PCGF3: variants seen among roughly 807,000 people sequenced by gnomAD.
PCGF3 encodes the protein polycomb group RING finger protein 3.
PCGF3 carries 7 observed loss-of-function variants against 33.1 expected under a neutral mutation model. The observed-to-expected ratio is 0.21, with a 90% CI of 0.12 to 0.40. The LOEUF (loss-of-function observed/expected upper bound fraction) is 0.40, where lower values mean the gene tolerates loss of function less well. PCGF3 is among the 10% of genes least tolerant of loss of function. The probability of loss-of-function intolerance (pLI) is 1.00; values close to 1 mark genes in which losing one functional copy is unlikely to be tolerated. For missense variants in PCGF3, 211 were observed against 313.3 expected (o/e 0.67, Z 2.46); for synonymous variants, 153 against 121.3 (o/e 1.26, Z -1.72).
In PCGF3 at chr4:737,574, G is replaced by A. The variant is rs556537264; in HGVS notation, c.262+53G>A. 8.1e-5 allele frequency: 92 copies of A among 1,131,974 alleles called. No individual in the cohort carries two copies. The Middle Eastern group carries it at 9.9e-4, about 12-fold the overall frequency. 70.1% of individuals were successfully genotyped at this position (1,131,974 alleles called of 1,614,324 possible). A position where few individuals can be genotyped will look rare whatever the true frequency, so the allele number is the denominator to read the frequency against. ...CTGAGGTCCCAGCCTGGCCTCTGCA[G>A]CCCCTGCTCTCCTGGAAGTTTGGTT... On this transcript the variant is annotated intron_variant, in intron 6 of 10. Transcript: ENST00000362003.
intron 8 of PCGF3, among the ~76,000 whole-genome samples, chr4:755,431 G>A (rs1463492557): frequency 6.6e-6 from 1 of 152,102 alleles, no homozygotes; most frequent in Non-Finnish European, 1.5e-5. Context: ...TTTTCCTTAT[G>A]TGAGCTGCAG....
chr4:730,592 C>G (rs1199345955), intron 1 of PCGF3, 38 bp from the exon 2 acceptor site: 1 of 158,094 alleles, frequency 6.3e-6, no homozygotes, highest in African/African-American at 2.4e-5. Flanking sequence ...CGTCCGCCTC[C>G]GGCCCACGGG....
chr4:715,388 C>T (rs868041789), intron 1 of PCGF3, among the ~76,000 whole-genome samples: 9 of 137,492 alleles, frequency 6.5e-5, no homozygotes, highest in South Asian at 2.4e-4. Flanking sequence ...AACCGGGCAT[C>T]GGTGCTGGGA....
chr4:706,172 G>T (rs537956046), intron 1 of PCGF3, among the ~76,000 whole-genome samples: 1 of 152,314 alleles, frequency 6.6e-6, no homozygotes, highest in East Asian at 1.9e-4. Flanking sequence ...GAAGACCCCA[G>T]CCCAGGCAGG....
chr4:735,273 G>A (rs1293559070), intron 5 of PCGF3, among the ~76,000 whole-genome samples: 1 of 152,212 alleles, frequency 6.6e-6, no homozygotes, highest in African/African-American at 2.4e-5. Context: ...TAGGCCGGGC[G>A]CAGGGGCTCA....
In PCGF3 at chr4:712,533, C is replaced by T. The variant is rs527286935; in HGVS notation, c.-190+6563C>T. On this transcript the variant is annotated intron_variant, in intron 1 of 10. Transcript: ENST00000362003. The stretch of plus-strand genomic sequence containing the variant: ...CGCGATCTCGGCTCACTGCAACCTC[C>T]GCCTCCTGGTTCAAGTGATTCTCCT... Among the ~76,000 whole-genome samples, 13 of 152,314 alleles carry T rather than the reference C, an allele frequency of 8.5e-5. No individual in the cohort carries two copies. The South Asian group carries it at 2.1e-3, about 24-fold the overall frequency.
chr4:758,165 CAAAAAAAAAA>C (rs61081270), intron 8 of PCGF3, among the ~76,000 whole-genome samples: 36 of 54,910 alleles, frequency 6.6e-4, no homozygotes, highest in Admixed American at 2.0e-3. Flanking sequence ...GACTCTGTCT[CAAAAAAAAAA>C]AAAAAAAAAA....
At chr4:750,651 G>C (rs762940764) in intron 8 of PCGF3, among the ~76,000 whole-genome samples, 8 of 152,068 alleles carry the variant, frequency 5.3e-5, no homozygotes, top group Non-Finnish European at 2.9e-5. Context: ...TTGAATGAAT[G>C]AGAAACAAGC....
chr4:719,687 A>ACGGTGCAGGG (rs1237738649), intron 1 of PCGF3, among the ~76,000 whole-genome samples: 1 of 152,180 alleles, frequency 6.6e-6, no homozygotes, highest in South Asian at 2.1e-4. Flanking sequence ...GAGGGGCAGG[A>ACGGTGCAGGG]CGGTGCAGGG....
intron 1 of PCGF3, among the ~76,000 whole-genome samples, chr4:712,952 G>C (rs1420844723): frequency 6.6e-6 from 1 of 152,246 alleles, no homozygotes; most frequent in Non-Finnish European, 1.5e-5. Flanking sequence ...CGTTGGCCTT[G>C]TGGGTCTTAT....
At chr4:762,077 A>C (rs934756424) in intron 9 of PCGF3, 4 of 985,252 alleles carry the variant, frequency 4.1e-6, no homozygotes, top group African/African-American at 3.5e-5. Context: ...AAGTGGACAG[A>C]CTTGAGATGC....
intron 1 of PCGF3, among the ~76,000 whole-genome samples, chr4:714,351 C>G (rs1172083419): frequency 6.6e-6 from 1 of 152,024 alleles, no homozygotes; most frequent in African/African-American, 2.4e-5. Flanking sequence ...TCCTCTCCTT[C>G]TCTCAGTACA....
At chr4:737,623 T>G (rs1298058601) in intron 6 of PCGF3, 102 bp downstream of exon 6, 1 of 744,480 alleles carries the variant, frequency 1.3e-6, no homozygotes, top group Non-Finnish European at 2.4e-6. Flanking sequence ...CCCCTTTCCT[T>G]TTGGCCGAAT....
intron 6 of PCGF3, among the ~76,000 whole-genome samples, chr4:738,836 G>A (rs961054207): frequency 7.3e-5 from 11 of 151,416 alleles, no homozygotes; most frequent in Admixed American, 4.0e-4. Context: ...TCCAGGCTGG[G>A]CGACAGAGCA....
intron 8 of PCGF3, among the ~76,000 whole-genome samples, chr4:755,891 C>T (rs1217302274): frequency 2.4e-5 from 3 of 126,186 alleles, no homozygotes; most frequent in African/African-American, 8.7e-5. Context: ...CATTTTTCTT[C>T]TTCAGAATTG....
chr4:743,659 G>C (rs541660870), intron 7 of PCGF3, 75 bp downstream of exon 7: 3 of 855,192 alleles, frequency 3.5e-6, no homozygotes, highest in African/African-American at 1.7e-5. Context: ...AGCTGGCGCT[G>C]TCTGCCGGCC....
chr4:730,240 C>A (rs190730596), intron 1 of PCGF3, among the ~76,000 whole-genome samples: 1 of 152,206 alleles, frequency 6.6e-6, no homozygotes, highest in African/African-American at 2.4e-5. Flanking sequence ...TGGAGCCAGC[C>A]GTCACTGCCT....
At chr4:733,913 C>T in intron 4 of PCGF3, 124 bp downstream of exon 4, 2 of 1,575,020 alleles carry the variant, frequency 1.3e-6, no homozygotes, top group Non-Finnish European at 1.7e-6. Context: ...GGAACCAGGA[C>T]CAGGGGCAGA....
chr4:734,899 G>T, intron 4 of PCGF3, 32 bp from the exon 5 acceptor site: 5 of 1,606,262 alleles, frequency 3.1e-6, no homozygotes, highest in Non-Finnish European at 4.2e-6. Context: ...GGCTCTAGAC[G>T]CTCTCCTAAC....
Sources: allele counts gnomAD v4.1 joint callset (sites outside exome capture counted in the v4.1 genomes callset), GRCh38; gene constraint gnomAD v4.1.1; transcripts MANE v1.5; gene names NCBI Gene and HGNC (gene_info 2026-07-23, HGNC 2026-07-21).